The following IGF1R variants were observed in gnomAD, a reference collection of about 807,000 sequenced individuals.
IGF1R encodes insulin-like growth factor 1 receptor.
Under a neutral mutation model 144.6 loss-of-function variants are expected in IGF1R, and 44 were observed. That is an observed-to-expected ratio of 0.30 (90% CI 0.24 to 0.39). IGF1R has a LOEUF of 0.39. IGF1R is among the 10% of genes least tolerant of loss of function. IGF1R has a pLI of 1.00. For synonymous variants in IGF1R, 795 were observed against 722.8 expected (o/e 1.10, Z -1.60); for missense variants, 1,355 against 1,833.7 (o/e 0.74, Z 4.77).
At chr15:98,938,128 A>G (rs1446182726) in intron 17 of IGF1R, among the ~76,000 whole-genome samples, 6 of 152,250 alleles carry the variant, frequency 3.9e-5, no homozygotes, top group African/African-American at 1.4e-4. Flanking sequence ...GCCAGCATCC[A>G]CTGGGCATTG....
At position 98,922,285 on chromosome 15, in the gene IGF1R, G is replaced by A; in HGVS notation, c.2339G>A (p.Ser780Asn). 6.2e-7 allele frequency: 1 copy of A among 1,614,174 alleles called. No individual in the cohort carries two copies. Among genetic ancestry groups the A allele is most frequent in the Non-Finnish European group, 8.5e-7 (1 of 1,180,022 alleles). Residue 780 changes from serine to asparagine, a missense_variant, in exon 11 of 21, where the codon AGC becomes AAC. By Grantham distance (46) the Ser-to-Asn change is conservative. Around this residue, in one of 7 missense-constraint regions of IGF1R, gnomAD observed 880 missense variants for 1,202.7 expected, o/e 0.73. Coordinates refer to ENST00000650285, the MANE Select transcript of IGF1R (RefSeq NM_000875.5). ...ELETEYPFFE[S>N]RVDNKERTVI... ...GAGACAGAGTACCCTTTCTTTGAGA[G>A]CAGAGTGGATAACAAGGAGAGAACT...
intron 19 of IGF1R, among the ~76,000 whole-genome samples, chr15:98,947,053 C>G (rs540900009): frequency 6.6e-6 from 1 of 152,184 alleles, no homozygotes; most frequent in African/African-American, 2.4e-5. Context: ...TATGGCTGGG[C>G]TGGTTGTGGA....
intron 2 of IGF1R, among the ~76,000 whole-genome samples, chr15:98,747,817 A>G (rs1207868325): frequency 6.6e-6 from 1 of 152,224 alleles, no homozygotes; most frequent in Non-Finnish European, 1.5e-5. Context: ...TGAATGTATT[A>G]TAATGTACTG....
At chr15:98,776,506 A>G (rs1473098966) in intron 2 of IGF1R, among the ~76,000 whole-genome samples, 1 of 152,240 alleles carries the variant, frequency 6.6e-6, no homozygotes, top group Non-Finnish European at 1.5e-5. Context: ...TCTTTAAAAA[A>G]GAAACTTACT....
intron 2 of IGF1R, among the ~76,000 whole-genome samples, chr15:98,758,976 G>T (rs2055226678): frequency 6.6e-6 from 1 of 152,198 alleles, no homozygotes; most frequent in East Asian, 1.9e-4. Flanking sequence ...GGGCTGGATT[G>T]CCCTCAACTA....
chr15:98,714,799 G>A (rs2054076654), intron 2 of IGF1R, among the ~76,000 whole-genome samples: 1 of 152,232 alleles, frequency 6.6e-6, no homozygotes, highest in South Asian at 2.1e-4. Flanking sequence ...GTGATGTGCA[G>A]TATTTCATCT....
chr15:98,649,515 CT>C lies in IGF1R; in HGVS notation c.-63del, dbSNP rs1039857276. On this transcript the variant is annotated 5_prime_UTR_variant, in exon 1 of 21. Transcript: ENST00000650285. ...TTGTTTCCTTTCATTTCCTTTTTTT[CT>C]TTTCTTTTCTTTTTTTTTTTTTTTT... 232 of 956,756 alleles carry C rather than the reference CT, an allele frequency of 2.4e-4. 1 individual carries two copies. The highest frequency in any genetic ancestry group is 3.4e-4 in the Non-Finnish European group (221 of 648,532). 59.3% of individuals were successfully genotyped at this position (956,756 alleles called of 1,614,324 possible).
rs61080409 is a variant in IGF1R, at chr15:98,832,181, C to G, written c.641-59144C>G. ...TCTGTCCCTCTACTTCTATGTAATT[C>G]TATTATTATGCACAGATTCTGTGTG... On this transcript the variant is annotated intron_variant, in intron 2 of 20. Transcript: ENST00000650285. Among the ~76,000 whole-genome samples the G allele has an allele frequency of 4.0e-3, 610 of 152,224 alleles. 2 individuals carry two copies. The highest frequency in any genetic ancestry group is 0.014 in the African/African-American group (571 of 41,532).
Position 98,932,907 on chromosome 15 carries a change from G to C in IGF1R, c.2957-1917G>C, listed in dbSNP as rs543266620. Among the ~76,000 whole-genome samples, 7 of 152,286 alleles carry C rather than the reference G, an allele frequency of 4.6e-5. No individual in the cohort carries two copies. In the South Asian group the frequency reaches 8.3e-4, roughly 18 times the overall value. ...TCTAAAATGATGGTGCCCCTCCTGGGCCTAATTTATAATAAACATCTCTCC... is the reference window on the plus strand; with the variant it reads ...TCTAAAATGATGGTGCCCCTCCTGGCCCTAATTTATAATAAACATCTCTCC... On this transcript the variant is annotated intron_variant, in intron 15 of 20. Coordinates refer to ENST00000650285, the MANE Select transcript of IGF1R (RefSeq NM_000875.5).
At chr15:98,876,502 A>G (rs1366790698) in intron 2 of IGF1R, among the ~76,000 whole-genome samples, 1 of 152,182 alleles carries the variant, frequency 6.6e-6, no homozygotes, top group African/African-American at 2.4e-5. Flanking sequence ...GTATACTTGT[A>G]TCAAGTGCAC....
At chr15:98,810,045 T>C (rs903070962) in intron 2 of IGF1R, among the ~76,000 whole-genome samples, 1 of 151,946 alleles carries the variant, frequency 6.6e-6, no homozygotes, top group Non-Finnish European at 1.5e-5. Flanking sequence ...GGAGCAATGC[T>C]GAACCACTTT....
At chr15:98,837,122 G>A (rs1455549388) in intron 2 of IGF1R, among the ~76,000 whole-genome samples, 1 of 151,958 alleles carries the variant, frequency 6.6e-6, no homozygotes, top group Non-Finnish European at 1.5e-5. Flanking sequence ...AGACAGTCTT[G>A]CTCTGTTGCC....
intron 1 of IGF1R, among the ~76,000 whole-genome samples, chr15:98,689,736 A>G (rs1246727721): frequency 6.6e-6 from 1 of 152,182 alleles, no homozygotes; most frequent in African/African-American, 2.4e-5. Flanking sequence ...CCCCTTATAT[A>G]GGTCTCTCGG....
intron 8 of IGF1R, among the ~76,000 whole-genome samples, chr15:98,915,524 G>A (rs1189399492): frequency 1.3e-5 from 2 of 152,134 alleles, no homozygotes; most frequent in Non-Finnish European, 2.9e-5. Context: ...TTGGCTTCAT[G>A]ACATTTTTAT....
Position 98,789,310 on chromosome 15 carries a change from G to C in IGF1R, c.640+81203G>C, listed in dbSNP as rs1458923356. On this transcript the variant is annotated intron_variant, in intron 2 of 20. Transcript: ENST00000650285. ...GTGCTGATGACGCTTTTTCCCATTG[G>C]AATGACAGGGATGATAAGGTCGGCT... 2.0e-5 allele frequency among the ~76,000 whole-genome samples: 3 copies of C among 152,130 alleles called. No individual in the cohort carries two copies. The East Asian group carries it at 5.8e-4, about 29-fold the overall frequency.
intron 7 of IGF1R, among the ~76,000 whole-genome samples, 181 bp from the exon 8 acceptor site, chr15:98,912,863 G>A (rs2015082782): frequency 2.0e-5 from 3 of 152,178 alleles, no homozygotes; most frequent in Admixed American, 1.3e-4. Flanking sequence ...ATTCTGTAAT[G>A]CCCGACTGGG....
At chr15:98,684,372 G>GT (rs764966933) in intron 1 of IGF1R, among the ~76,000 whole-genome samples, 25 of 101,408 alleles carry the variant, frequency 2.5e-4, no homozygotes, top group Non-Finnish European at 3.6e-4. Context: ...GCTCTGTGGG[G>GT]TTTTTTTTGT....
At chr15:98,727,408 G>A (rs1029833381) in intron 2 of IGF1R, among the ~76,000 whole-genome samples, 2 of 152,022 alleles carry the variant, frequency 1.3e-5, no homozygotes, top group African/African-American at 4.8e-5. Flanking sequence ...ATTTGTCAAA[G>A]CAAACTTGTG....
intron 19 of IGF1R, 43 bp downstream of exon 19, chr15:98,943,095 C>T (rs1439800522): frequency 1.2e-6 from 2 of 1,611,746 alleles, no homozygotes; most frequent in East Asian, 4.5e-5. Flanking sequence ...AGCCCCCAGC[C>T]TCTGCACTTT....
Sources: gnomAD v4.1 joint callset for allele counts (sites outside exome capture counted in the v4.1 genomes callset) on GRCh38, gnomAD v4.1.1 for gene constraint, gnomAD v4.1.1 regional missense constraint, MANE v1.5 for transcripts, NCBI Gene and HGNC (gene_info 2026-07-23, HGNC 2026-07-21) for gene names.